Variants in LRRK2 observed in about 807,000 individuals in gnomAD.
LRRK2 encodes leucine-rich repeat serine/threonine-protein kinase 2.
In LRRK2, 203 loss-of-function variants were observed where a neutral mutation model predicts 302.6. The ratio of observed to expected loss-of-function variants is 0.67; its 90% CI spans 0.60 to 0.75. The LOEUF is 0.75. Among genes scored for constraint, LRRK2 ranks in the 30% least tolerant of loss-of-function variants. LRRK2 has a pLI of 0.00. For synonymous variants in LRRK2, 1,066 were observed against 1,031.9 expected (o/e 1.03, Z -0.63); for missense variants, 2,830 against 2,951.0 (o/e 0.96, Z 0.95).
rs200290369 is a variant in LRRK2 at position 40,287,551 on chromosome 12, A to G, written c.2689+12A>G. The G allele has an allele frequency of 4.9e-5, 76 of 1,564,978 alleles. No homozygotes were observed. Among genetic ancestry groups the G allele is most frequent in the African/African-American group, 4.0e-4 (24 of 60,624 alleles). ...CCTGGATAGTGAAGGTATTTATTAT[A>G]AAAAAAAACCCTTTATGCTTTATAT... On this transcript the variant is annotated intron_variant, in intron 20 of 50. Coordinates refer to ENST00000298910, the MANE Select transcript of LRRK2 (RefSeq NM_198578.4).
chr12:40,281,110 AAAAC>A (rs1436671005), intron 18 of LRRK2, among the ~76,000 whole-genome samples: 3 of 151,908 alleles, frequency 2.0e-5, no homozygotes, highest in Non-Finnish European at 2.9e-5. Flanking sequence ...ACCAACCAAC[AAAAC>A]AAACAAACAA....
Position 40,298,471 on chromosome 12 carries a change from C to T in LRRK2, c.3325C>T (p.Leu1109=), listed in dbSNP as rs759298975. The part of the protein sequence containing the change: ...PENLTDVVEK[L]EQLILEGNKI... The stretch of plus-strand genomic sequence containing the variant: ...GAACCTCACTGATGTGGTAGAGAAA[C>T]TGGAGCAGCTCATTTTAGAAGGGTA... Residue 1109 remains leucine (L), a synonymous_variant, in exon 24 of 51, where the codon CTG becomes TTG. Transcript: ENST00000298910. 1.9e-6 allele frequency: 3 copies of T among 1,613,772 alleles called. No homozygotes were observed. The highest frequency in any genetic ancestry group is 1.1e-5 in the South Asian group (1 of 91,078).
chr12:40,364,982 C>T lies in LRRK2; in HGVS notation c.7322C>T (p.Thr2441Ile). 1 of 1,612,684 alleles carries T rather than the reference C, an allele frequency of 6.2e-7. No individual in the cohort carries two copies. ...GGHILLLDLS[T>I]RRLIRVIYNF... ...CATATTTTACTCCTGGATCTTTCAACTCGTCGACTTATACGTGTAATTTAC... is the reference window on the plus strand; with the variant it reads ...CATATTTTACTCCTGGATCTTTCAATTCGTCGACTTATACGTGTAATTTAC... Residue 2441 changes from threonine (T) to isoleucine (I), a missense_variant, in exon 49 of 51, where the codon ACT becomes ATT. Thr to Ile is a moderately conservative substitution (Grantham distance 89). Transcript: ENST00000298910.
Position 40,274,715 on chromosome 12 carries a change from C to G in LRRK2, c.1789C>G (p.Pro597Ala). Residue 597 changes from proline to alanine, a missense_variant, in exon 15 of 51, where the codon CCA (proline) becomes GCA (alanine). Physicochemically the swap from Pro to Ala is conservative, Grantham distance 27. This residue lies in a region of LRRK2 where 2,121 missense variants were observed against 2,148.0 expected (regional missense o/e 0.99). Coordinates refer to ENST00000298910, the MANE Select transcript of LRRK2 (RefSeq NM_198578.4). The stretch of plus-strand genomic sequence containing the variant: ...AGTGCTTCACACACTGCAGATGTAT[C>G]CAGATGACCAAGGTCAGTACAATTT... ...DSVLHTLQMYPDDQEIQCLGL... is the reference protein window; with the variant it reads ...DSVLHTLQMYADDQEIQCLGL... 10 of 1,613,970 alleles carry G rather than the reference C, an allele frequency of 6.2e-6. No homozygotes were observed. Among genetic ancestry groups the G allele is most frequent in the Non-Finnish European group, 7.6e-6 (9 of 1,179,946 alleles).
chr12:40,312,830 T>C (rs1254796765), intron 31 of LRRK2: 1 of 152,000 alleles, frequency 6.6e-6, no homozygotes, highest in Non-Finnish European at 1.5e-5. Context: ...CTGCCTTGGA[T>C]TAAAACATAA....
At chr12:40,266,779 T>C (rs1167787720) in intron 14 of LRRK2, among the ~76,000 whole-genome samples, 1 of 151,942 alleles carries the variant, frequency 6.6e-6, no homozygotes, top group South Asian at 2.1e-4. Flanking sequence ...TAGACTGGAT[T>C]AAGAAAATGT....
intron 43 of LRRK2, 63 bp downstream of exon 43, chr12:40,348,572 T>A (rs2136982600): frequency 1.0e-6 from 1 of 1,004,746 alleles, no homozygotes. Context: ...CATATATATA[T>A]AATCTTCAAA....
intron 14 of LRRK2, among the ~76,000 whole-genome samples, chr12:40,265,535 G>A (rs376602343): frequency 1.3e-5 from 2 of 152,104 alleles, no homozygotes; most frequent in Non-Finnish European, 2.9e-5. Flanking sequence ...TTCATAAGTG[G>A]GTGGGAAGAA....
Position 40,241,161 on chromosome 12 carries a change from C to T in LRRK2, c.706+544C>T, listed in dbSNP as rs114751646. 2.7e-3 allele frequency among the ~76,000 whole-genome samples: 415 copies of T among 152,264 alleles called. 2 individuals are homozygous for T. Among genetic ancestry groups the T allele is most frequent in the African/African-American group, 9.6e-3 (397 of 41,552 alleles). ...GGTTATGAGTGTGCGTGCATGCATGCGTGTGTGCCGCTGTGCATGCACATC... is the reference window on the plus strand; with the variant it reads ...GGTTATGAGTGTGCGTGCATGCATGTGTGTGTGCCGCTGTGCATGCACATC... On this transcript the variant is annotated intron_variant, in intron 6 of 50. Transcript: ENST00000298910.
Position 40,232,395 on chromosome 12 carries a change from A to G in LRRK2, c.347+12A>G. 6.3e-7 allele frequency: 1 copy of G among 1,587,388 alleles called. No homozygotes were observed. The highest frequency in any genetic ancestry group is 8.7e-7 in the Non-Finnish European group (1 of 1,155,590). ...CTTGGTGTTCACCAGTAAGTATGAT[A>G]GATATGTAAAACAAATGGCCTTGAG... On this transcript the variant is annotated intron_variant, in intron 3 of 50. Transcript: ENST00000298910.
rs1946638705 is a variant in LRRK2 at position 40,359,463 on chromosome 12, G to C, written c.7028+19G>C. On this transcript the variant is annotated intron_variant, in intron 47 of 50. Transcript: ENST00000298910. ...GCCAACTGTAAGTTATTTTTTATCT[G>C]TACAAGTAATTTATCATTATACTTT... 1.2e-6 allele frequency: 2 copies of C among 1,601,374 alleles called. No individual in the cohort carries two copies. Among genetic ancestry groups the C allele is most frequent in the African/African-American group, 1.3e-5 (1 of 74,574 alleles).
chr12:40,310,450 C>T lies in LRRK2; in HGVS notation c.4337C>T (p.Pro1446Leu), dbSNP rs74681492. The change falls in exon 31 of 51, where the codon CCT (proline) becomes CTT (leucine). Residue 1446 changes from proline to leucine, a missense_variant. Transcript: ENST00000298910. ...CTCCAGGCTCGCGCTTCTTCTTCCC[C>T]TGTGATTCTCGTTGGCACACATTTG... Reference protein sequence around the residue: ...FNIKARASSSPVILVGTHLDV... With the variant: ...FNIKARASSSLVILVGTHLDV... The T allele has an allele frequency of 1.3e-4, 215 of 1,613,256 alleles. No individual in the cohort carries two copies. In the East Asian group the frequency reaches 4.7e-3, roughly 35 times the overall value.
chr12:40,259,574 C>T lies in LRRK2; in HGVS notation c.1513C>T (p.Leu505Phe). The T allele has an allele frequency of 1.9e-6, 3 of 1,613,262 alleles. No individual in the cohort carries two copies. The highest frequency in any genetic ancestry group is 2.5e-6 in the Non-Finnish European group (3 of 1,179,418). ...ETSLPVQLEA[L>F]RAILHFIVPG... ...ATCATTACCAGTGCAGCTGGAGGCG[C>T]TTCGAGCTATTTTACATTTTATAGT... Residue 505 changes from leucine to phenylalanine, a missense_variant, in exon 13 of 51, where the codon CTT becomes TTT. By Grantham distance (22) the Leu-to-Phe change is conservative. Coordinates refer to ENST00000298910, the MANE Select transcript of LRRK2 (RefSeq NM_198578.4).
intron 24 of LRRK2, among the ~76,000 whole-genome samples, chr12:40,298,747 G>C (rs1442092283): frequency 9.2e-6 from 1 of 109,108 alleles, no homozygotes; most frequent in Non-Finnish European, 1.9e-5. Flanking sequence ...ACTCCAGCCT[G>C]GGTGACAGAG....
intron 38 of LRRK2, among the ~76,000 whole-genome samples, chr12:40,325,862 T>C (rs967775217): frequency 5.3e-5 from 8 of 152,200 alleles, no homozygotes; most frequent in Non-Finnish European, 4.4e-5. Context: ...TAGACTTGTT[T>C]TGTGAATATA....
rs1176476322 is a variant in LRRK2 at position 40,340,276 on chromosome 12, C to T, written c.5949-18C>T. Reference sequence around the variant, plus strand: ...TGTAATCACATTTGAATAAGATTTCCTGTGCATTTTCTGGCAGATACCTCC... The same window carrying T: ...TGTAATCACATTTGAATAAGATTTCTTGTGCATTTTCTGGCAGATACCTCC... On this transcript the variant is annotated intron_variant, in intron 40 of 50. Transcript: ENST00000298910. 1 of 1,612,532 alleles carries T rather than the reference C, an allele frequency of 6.2e-7. No homozygotes were observed. Among genetic ancestry groups the T allele is most frequent in the Admixed American group, 1.7e-5 (1 of 59,956 alleles).
At chr12:40,287,714 T>C (rs1943983882) in intron 20 of LRRK2, among the ~76,000 whole-genome samples, 175 bp downstream of exon 20, 1 of 151,882 alleles carries the variant, frequency 6.6e-6, no homozygotes, top group Admixed American at 6.6e-5. Flanking sequence ...GTCAAGGAAG[T>C]GTGTCTCTGT....
rs752123862 is a variant in LRRK2, at chr12:40,243,637, G to T, written c.794G>T (p.Arg265Ile). 1 of 1,612,116 alleles carries T rather than the reference G, an allele frequency of 6.2e-7. No homozygotes were observed. Among genetic ancestry groups the T allele is most frequent in the Non-Finnish European group, 8.5e-7 (1 of 1,178,706 alleles). The change falls in exon 7 of 51, where the codon AGA becomes ATA. Residue 265 changes from arginine to isoleucine, a missense_variant. Physicochemically the swap from Arg to Ile is moderately conservative, Grantham distance 97. This residue lies in a region of LRRK2 where 2,121 missense variants were observed against 2,148.0 expected (regional missense o/e 0.99). Transcript: ENST00000298910. ...EAMKAFPMSE[R>I]IQEVSCCLLH... ...ATGAAAGCATTCCCTATGAGTGAAA[G>T]AATTCAAGAAGTGAGTTGCTGTTTG...
intron 14 of LRRK2, among the ~76,000 whole-genome samples, chr12:40,264,679 C>T (rs927707414): frequency 7.2e-5 from 11 of 152,146 alleles, no homozygotes; most frequent in African/African-American, 2.2e-4. Context: ...TCCCTACGCT[C>T]CTTTTCATTG....
Sources: gnomAD v4.1 joint callset for allele counts (sites outside exome capture counted in the v4.1 genomes callset) on GRCh38, gnomAD v4.1.1 for gene constraint, gnomAD v4.1.1 regional missense constraint, MANE v1.5 for transcripts, NCBI Gene and HGNC (gene_info 2026-07-23, HGNC 2026-07-21) for gene names.